The following MTSS1 variants were observed in gnomAD, a reference collection of about 807,000 sequenced individuals.
MTSS1 encodes protein MTSS 1.
MTSS1 carries 18 observed loss-of-function variants against 79.0 expected under a neutral mutation model. The ratio of observed to expected loss-of-function variants is 0.23; its 90% CI spans 0.16 to 0.34. The LOEUF (loss-of-function observed/expected upper bound fraction) is 0.34, where lower values mean the gene tolerates loss of function less well. Among genes scored for constraint, MTSS1 ranks in the 10% least tolerant of loss-of-function variants. The pLI, the probability that MTSS1 is intolerant of heterozygous loss-of-function variation, is 1.00. For synonymous variants in MTSS1, 341 were observed against 368.6 expected (o/e 0.93, Z 0.86); for missense variants, 815 against 986.2 (o/e 0.83, Z 2.33).
Position 124,553,754 on chromosome 8 carries a change from G to A in MTSS1, c.1568-62C>T, listed in dbSNP as rs1469788019. The A allele has an allele frequency of 2.0e-6, 3 of 1,467,538 alleles. No homozygotes were observed. Among genetic ancestry groups the A allele is most frequent in the Non-Finnish European group, 2.8e-6 (3 of 1,082,022 alleles). 90.9% of individuals were successfully genotyped at this position (1,467,538 alleles called of 1,614,324 possible). The stretch of plus-strand genomic sequence containing the variant: ...CAGCTGTGCTTTTTTGATTCTTCTG[G>A]GCTGGGAGGACAAAAGGCACGCAAG... On this transcript the variant is annotated intron_variant, in intron 13 of 13. Transcript: ENST00000518547. The surrounding 1 kb of genome is among the most constrained non-coding windows in gnomAD (Gnocchi z 6.0).
At chr8:124,592,526 T>C (rs1224144746) in intron 3 of MTSS1, among the ~76,000 whole-genome samples, 1 of 152,236 alleles carries the variant, frequency 6.6e-6, no homozygotes, top group African/African-American at 2.4e-5. Flanking sequence ...GACATTACTA[T>C]GGGTTGGATT....
In MTSS1 at chr8:124,676,637, C is replaced by T. The variant is rs369115632; in HGVS notation, c.208+22889G>A. Among the ~76,000 whole-genome samples the T allele has an allele frequency of 3.9e-5, 6 of 152,348 alleles. No individual in the cohort carries two copies. The South Asian group carries it at 1.2e-3, about 32-fold the overall frequency. On this transcript the variant is annotated intron_variant, in intron 3 of 13. Transcript: ENST00000518547. ...TGTCACTGCTTCCAAGACAACTTCT[C>T]AGCAAAACAAAGAGTCTCAACTCCC...
Position 124,724,816 on chromosome 8 carries a change from T to C in MTSS1, c.72+3068A>G, listed in dbSNP as rs113002802. Among the ~76,000 whole-genome samples the C allele has an allele frequency of 1.9e-3, 282 of 152,252 alleles. 2 individuals are homozygous for C. The highest frequency in any genetic ancestry group is 6.5e-3 in the African/African-American group (272 of 41,550). On this transcript the variant is annotated intron_variant, in intron 1 of 13. Coordinates refer to ENST00000518547, the MANE Select transcript of MTSS1 (RefSeq NM_014751.6). ...ACTCCAAAAAGATTCCAGGACCTCCTTGATGCAGTCAAGATCGTCTACACA... is the reference window on the plus strand; with the variant it reads ...ACTCCAAAAAGATTCCAGGACCTCCCTGATGCAGTCAAGATCGTCTACACA...
At chr8:124,622,346 G>A (rs1813729698) in intron 3 of MTSS1, among the ~76,000 whole-genome samples, 1 of 151,980 alleles carries the variant, frequency 6.6e-6, no homozygotes, top group South Asian at 2.1e-4. Flanking sequence ...GGGAGATGTA[G>A]GTGAAAGGAC....
intron 3 of MTSS1, among the ~76,000 whole-genome samples, chr8:124,600,941 A>G (rs573503301): frequency 6.6e-6 from 1 of 152,160 alleles, no homozygotes; most frequent in East Asian, 1.9e-4. Context: ...CGGGAGGCTC[A>G]TGAAAACCAA....
intron 3 of MTSS1, among the ~76,000 whole-genome samples, chr8:124,668,412 C>T (rs1823518811): frequency 6.6e-6 from 1 of 152,174 alleles, no homozygotes. Context: ...ACATCTACGG[C>T]AGGAATTCAT....
At chr8:124,576,337 C>T (rs1220651976) in intron 6 of MTSS1, among the ~76,000 whole-genome samples, 1 of 152,132 alleles carries the variant, frequency 6.6e-6, no homozygotes, top group Non-Finnish European at 1.5e-5. Flanking sequence ...AATCTGAGGA[C>T]CCCACTTGTG....
At chr8:124,680,462 G>A (rs1398613525) in intron 3 of MTSS1, among the ~76,000 whole-genome samples, 2 of 152,210 alleles carry the variant, frequency 1.3e-5, no homozygotes, top group African/African-American at 4.8e-5. Context: ...TGAGTCCCAG[G>A]GGAGAGCACA....
At chr8:124,578,601 C>G (rs190052252) in intron 6 of MTSS1, among the ~76,000 whole-genome samples, 194 of 151,038 alleles carry the variant, frequency 1.3e-3, no homozygotes, top group African/African-American at 4.5e-3. Flanking sequence ...TCAAGACCAT[C>G]CTGCCTAACA....
chr8:124,667,585 G>T (rs1376020760), intron 3 of MTSS1, among the ~76,000 whole-genome samples: 1 of 152,102 alleles, frequency 6.6e-6, no homozygotes, highest in African/African-American at 2.4e-5. Flanking sequence ...CAAAGGTTGT[G>T]GTGAGCTGAG....
At chr8:124,642,746 C>G (rs1818285241) in intron 3 of MTSS1, among the ~76,000 whole-genome samples, 1 of 152,130 alleles carries the variant, frequency 6.6e-6, no homozygotes, top group Non-Finnish European at 1.5e-5. Context: ...GTGCATGCCA[C>G]CACGCCTGGC....
At position 124,663,491 on chromosome 8, in the gene MTSS1, C is replaced by T. The variant is rs117580093; in HGVS notation, c.208+36035G>A. On this transcript the variant is annotated intron_variant, in intron 3 of 13. Transcript: ENST00000518547. Reference sequence around the variant, plus strand: ...CCAGCTTTGGCATGCATCATCAGCCCAGAACCCCCACCCGCCCAATCCATG... The same window carrying T: ...CCAGCTTTGGCATGCATCATCAGCCTAGAACCCCCACCCGCCCAATCCATG... Among the ~76,000 whole-genome samples the T allele has an allele frequency of 2.0e-3, 309 of 152,240 alleles. 1 individual carries two copies. The highest frequency in any genetic ancestry group is 5.2e-3 in the Admixed American group (79 of 15,302).
At chr8:124,726,890 A>G (rs1833777077) in intron 1 of MTSS1, among the ~76,000 whole-genome samples, 1 of 152,060 alleles carries the variant, frequency 6.6e-6, no homozygotes. Context: ...CTAAATACAC[A>G]TTAAAAAAAT....
At chr8:124,688,804 C>T (rs575109461) in intron 3 of MTSS1, among the ~76,000 whole-genome samples, 35 of 152,134 alleles carry the variant, frequency 2.3e-4, no homozygotes, top group Admixed American at 7.8e-4. Context: ...AGGGAAATCA[C>T]GCAATAGAAA....
intron 3 of MTSS1, among the ~76,000 whole-genome samples, chr8:124,692,601 A>G (rs548054930): frequency 6.6e-6 from 1 of 152,264 alleles, no homozygotes; most frequent in South Asian, 2.1e-4. Context: ...CCTCAGAGGA[A>G]AGATTCCCTC....
At position 124,553,578 on chromosome 8, in the gene MTSS1, A is replaced by C; in HGVS notation, c.1682T>G (p.Met561Arg). The C allele has an allele frequency of 6.2e-7, 1 of 1,614,132 alleles. No individual in the cohort carries two copies. Among genetic ancestry groups the C allele is most frequent in the Non-Finnish European group, 8.5e-7 (1 of 1,180,010 alleles). Residue 561 changes from methionine (M) to arginine (R), a missense_variant, in exon 14 of 14, where the codon ATG (methionine) becomes AGG (arginine). By Grantham distance (91) the Met-to-Arg change is moderately conservative (BLOSUM62 -1). Coordinates refer to ENST00000518547, the MANE Select transcript of MTSS1 (RefSeq NM_014751.6). This position sits in a 1 kb window ranked among gnomAD's most constrained non-coding sequence, Gnocchi z 6.0. ...TGAGGCTGGACGCTTGGCTTGGAAC[A>C]TCCGTCGGTAGGACTGGCTGATGTC... ...NSDISQSYRR[M>R]FQAKRPASTA...
intron 3 of MTSS1, among the ~76,000 whole-genome samples, chr8:124,616,371 T>TAAAAAAAA (rs68110053): frequency 2.5e-5 from 3 of 119,610 alleles, no homozygotes; most frequent in Non-Finnish European, 1.7e-5. Flanking sequence ...TTTCAGGCAG[T>TAAAAAAAA]AAAAAAAAAA....
rs1014759110 is a variant in MTSS1, at chr8:124,683,591, C to T, written c.208+15935G>A. 2.6e-5 allele frequency among the ~76,000 whole-genome samples: 4 copies of T among 152,142 alleles called. No homozygotes were observed. Among genetic ancestry groups the T allele is most frequent in the Admixed American group, 1.3e-4 (2 of 15,268 alleles). ...ACGCCCTAGGAAGCATCCAGACAGA[C>T]GGAGTGGAACAACACAACCTTTCCA... On this transcript the variant is annotated intron_variant, in intron 3 of 13. Coordinates refer to ENST00000518547, the MANE Select transcript of MTSS1 (RefSeq NM_014751.6). The surrounding 1 kb of genome is among the most constrained non-coding windows in gnomAD (Gnocchi z 4.5).
At position 124,550,826 on chromosome 8, in the gene MTSS1, CA is replaced by C. The variant is rs1822401820; in HGVS notation, c.*2165del. ...TCTTTATTTATAACGTAGGCTGAAG[CA>C]ATTGTTACAATGTAGGAGGGAGACA... On this transcript the variant is annotated 3_prime_UTR_variant, in exon 14 of 14. Transcript: ENST00000518547. 6.6e-6 allele frequency: 1 copy of C among 152,490 alleles called. No individual in the cohort carries two copies. The highest frequency in any genetic ancestry group is 6.5e-5 in the Admixed American group (1 of 15,268). 9.4% of individuals were successfully genotyped at this position (152,490 alleles called of 1,614,324 possible). A position where few individuals can be genotyped will look rare whatever the true frequency, so the allele number is the denominator to read the frequency against.
Sources: allele counts gnomAD v4.1 joint callset (sites outside exome capture counted in the v4.1 genomes callset), GRCh38; gene constraint gnomAD v4.1.1; non-coding constraint Gnocchi (gnomAD v3.1); transcripts MANE v1.5; gene names NCBI Gene and HGNC (gene_info 2026-07-23, HGNC 2026-07-21).